DSCAM: variants seen among roughly 807,000 people sequenced by gnomAD.
DSCAM encodes cell adhesion molecule DSCAM.
Under a neutral mutation model 217.7 loss-of-function variants are expected in DSCAM, and 47 were observed. That is an observed-to-expected ratio of 0.22 (90% CI 0.17 to 0.28). The LOEUF (loss-of-function observed/expected upper bound fraction) is 0.28. Among genes scored for constraint, DSCAM ranks in the 10% least tolerant of loss-of-function variants. The pLI is 1.00. For missense variants in DSCAM, 2,080 were observed against 2,618.3 expected (o/e 0.79, Z 4.49); for synonymous variants, 1,056 against 1,015.3 (o/e 1.04, Z -0.76).
intron 18 of DSCAM, among the ~76,000 whole-genome samples, chr21:40,135,723 G>T (rs2090200972): frequency 2.6e-5 from 4 of 152,220 alleles, no homozygotes; most frequent in Admixed American, 2.6e-4. Context: ...CCAGGATATT[G>T]CATGGAGGTT....
At chr21:40,827,447 CCA>C (rs1256984256) in intron 1 of DSCAM, among the ~76,000 whole-genome samples, 3 of 132,456 alleles carry the variant, frequency 2.3e-5, no homozygotes, top group Non-Finnish European at 4.6e-5. Flanking sequence ...CCAGCCTAGG[CCA>C]CAGAGTCAGT....
Position 40,651,655 on chromosome 21 carries a change from A to T in DSCAM, c.508+41155T>A, listed in dbSNP as rs78845821. Among the ~76,000 whole-genome samples, 197 of 152,308 alleles carry T rather than the reference A, an allele frequency of 1.3e-3. 2 individuals carry two copies. In the East Asian group the frequency reaches 0.025, roughly 19 times the overall value. On this transcript the variant is annotated intron_variant, in intron 3 of 32. Transcript: ENST00000400454. ...TCACTCTCTGACCTGTTGGAAACTC[A>T]GTTTCACCGCAGCTTTACAAGGCTG...
Position 40,483,496 on chromosome 21 carries a change from C to G in DSCAM, c.509-114251G>C, listed in dbSNP as rs575998068. ...ACCATGGGAATTATATCTTTAATAG[C>G]TATTTCTCCTAACAATATTATTGTG... On this transcript the variant is annotated intron_variant, in intron 3 of 32. Transcript: ENST00000400454. Among the ~76,000 whole-genome samples, 3 of 152,252 alleles carry G rather than the reference C, an allele frequency of 2.0e-5. No homozygotes were observed. In the South Asian group the frequency reaches 6.2e-4, roughly 32 times the overall value.
chr21:40,533,459 C>G (rs1023287110), intron 3 of DSCAM, among the ~76,000 whole-genome samples: 1 of 151,978 alleles, frequency 6.6e-6, no homozygotes, highest in African/African-American at 2.4e-5. Flanking sequence ...TCCATCCACC[C>G]ATCGTCCATC....
rs569309413 is a variant in DSCAM at position 40,362,215 on chromosome 21, T to G, written c.655+6884A>C. On this transcript the variant is annotated intron_variant, in intron 4 of 32. Transcript: ENST00000400454. ...GGTTCCAAGTCTTTGCTATTGTGAA[T>G]AGTGCCGCAATAAACATACGTGTGC... 1.8e-3 allele frequency among the ~76,000 whole-genome samples: 267 copies of G among 152,268 alleles called. 2 individuals carry two copies. The highest frequency in any genetic ancestry group is 5.0e-3 in the African/African-American group (206 of 41,552).
intron 3 of DSCAM, among the ~76,000 whole-genome samples, chr21:40,577,456 G>GCC (rs146721229): frequency 1.2e-4 from 18 of 151,886 alleles, no homozygotes; most frequent in South Asian, 8.3e-4. Context: ...CTCAGGTGGC[G>GCC]CCCCCCTCCG....
chr21:40,189,594 A>G (rs973388839), intron 11 of DSCAM, among the ~76,000 whole-genome samples: 2 of 152,078 alleles, frequency 1.3e-5, no homozygotes, highest in Admixed American at 1.3e-4. Context: ...ATTCATTCCC[A>G]TGTTTCATGG....
At chr21:40,025,788 GTCTA>G (rs768733974) in intron 32 of DSCAM, among the ~76,000 whole-genome samples, 18 of 150,710 alleles carry the variant, frequency 1.2e-4, no homozygotes, top group Admixed American at 7.9e-4. Context: ...CTTGCTAGCA[GTCTA>G]TCTATTTTGT....
chr21:40,027,568 G>A (rs1227463895), intron 32 of DSCAM, among the ~76,000 whole-genome samples: 2 of 95,360 alleles, frequency 2.1e-5, no homozygotes, highest in East Asian at 3.0e-4. Context: ...TGGAGGCTTT[G>A]CTCATTTCTT....
rs376181025 is a variant in DSCAM at position 40,475,327 on chromosome 21, C to A, written c.509-106082G>T. ...GCCCATCTTCCAGGGCTGGACTCAG[C>A]CCACCTAACTGGCTCAGCAAGATCC... is the stretch of plus-strand genomic sequence containing the variant. On this transcript the variant is annotated intron_variant, in intron 3 of 32. Transcript: ENST00000400454. Among the ~76,000 whole-genome samples the A allele has an allele frequency of 1.3e-4, 20 of 152,300 alleles. No homozygotes were observed. The East Asian group carries it at 3.9e-3, about 30-fold the overall frequency.
At chr21:40,442,843 A>G (rs968225028) in intron 3 of DSCAM, among the ~76,000 whole-genome samples, 5 of 152,090 alleles carry the variant, frequency 3.3e-5, no homozygotes, top group African/African-American at 1.2e-4. Flanking sequence ...AGACTCTCCA[A>G]CTGGAACATG....
intron 3 of DSCAM, among the ~76,000 whole-genome samples, chr21:40,371,753 G>GGAAT (rs1217227132): frequency 1.3e-5 from 2 of 152,144 alleles, no homozygotes; most frequent in Non-Finnish European, 2.9e-5. Context: ...GATGTTTACA[G>GGAAT]GAATGAAGGA....
chr21:40,041,356 G>A (rs2088745456), intron 32 of DSCAM, among the ~76,000 whole-genome samples: 1 of 152,156 alleles, frequency 6.6e-6, no homozygotes, highest in African/African-American at 2.4e-5. Context: ...GGCTGCCATA[G>A]GTTGGATTCC....
intron 11 of DSCAM, among the ~76,000 whole-genome samples, chr21:40,210,334 A>C (rs1327683650): frequency 6.6e-6 from 1 of 152,180 alleles, no homozygotes; most frequent in African/African-American, 2.4e-5. Context: ...TTTATTGCAC[A>C]TATATATCTT....
At chr21:40,516,938 A>G (rs1225648107) in intron 3 of DSCAM, among the ~76,000 whole-genome samples, 1 of 148,592 alleles carries the variant, frequency 6.7e-6, no homozygotes, top group Non-Finnish European at 1.5e-5. Context: ...ATATATTTAT[A>G]TATACATATT....
chr21:40,333,834 C>T (rs74564677), intron 8 of DSCAM, among the ~76,000 whole-genome samples: 1,641 of 152,188 alleles, frequency 0.011, 19 homozygotes, highest in Middle Eastern at 0.037. Flanking sequence ...GCTACAGGTG[C>T]GTACCACATC....
intron 3 of DSCAM, among the ~76,000 whole-genome samples, chr21:40,539,233 G>A (rs775206142): frequency 1.3e-5 from 2 of 152,090 alleles, no homozygotes; most frequent in Non-Finnish European, 2.9e-5. Flanking sequence ...GGCTGGGCGC[G>A]GTGGCTCACG....
chr21:40,801,414 A>G (rs1247811335), intron 1 of DSCAM, among the ~76,000 whole-genome samples: 3 of 152,226 alleles, frequency 2.0e-5, no homozygotes, highest in Non-Finnish European at 4.4e-5. Context: ...GGTGTAGCTC[A>G]GAGACCATTT....
chr21:40,789,459 G>A (rs2091620065), intron 1 of DSCAM, among the ~76,000 whole-genome samples: 1 of 152,008 alleles, frequency 6.6e-6, no homozygotes, highest in African/African-American at 2.4e-5. Context: ...TAAATAATTG[G>A]GACAAAATTC....
Sources: gnomAD v4.1 joint callset for allele counts (sites outside exome capture counted in the v4.1 genomes callset) on GRCh38, gnomAD v4.1.1 for gene constraint, MANE v1.5 for transcripts, NCBI Gene and HGNC (gene_info 2026-07-23, HGNC 2026-07-21) for gene names.